AFF1: variants seen among roughly 807,000 people sequenced by gnomAD.
The protein encoded by AFF1 is AF4/FMR2 family member 1.
In AFF1, 48 loss-of-function variants were observed where a neutral mutation model predicts 121.7. The ratio of observed to expected loss-of-function variants is 0.39; its 90% CI spans 0.31 to 0.50. The LOEUF is 0.50. Among genes scored for constraint, AFF1 ranks in the 20% least tolerant of loss-of-function variants. AFF1 has a pLI of 0.76. For missense variants in AFF1, 1,523 were observed against 1,511.7 expected (o/e 1.01, Z -0.12); for synonymous variants, 613 against 563.0 (o/e 1.09, Z -1.26).
intron 11 of AFF1, among the ~76,000 whole-genome samples, chr4:87,109,340 T>G (rs536782678): frequency 6.6e-6 from 1 of 152,248 alleles, no homozygotes; most frequent in East Asian, 1.9e-4. Context: ...GCTGAGAAAA[T>G]AACTGGCTGT....
intron 2 of AFF1, among the ~76,000 whole-genome samples, chr4:86,957,149 C>T (rs1019131029): frequency 6.6e-6 from 1 of 152,174 alleles, no homozygotes; most frequent in African/African-American, 2.4e-5. Flanking sequence ...AGGTGCTAAA[C>T]TTGGTCCAGG....
At chr4:87,031,173 C>T (rs1248502480) in intron 2 of AFF1, among the ~76,000 whole-genome samples, 2 of 152,108 alleles carry the variant, frequency 1.3e-5, no homozygotes, top group Non-Finnish European at 2.9e-5. Context: ...GGCATGCTTT[C>T]GGACCCATCC....
intron 6 of AFF1, among the ~76,000 whole-genome samples, chr4:87,091,187 G>A (rs1490274822): frequency 1.3e-5 from 2 of 151,902 alleles, no homozygotes; most frequent in South Asian, 2.1e-4. Context: ...GGTGGATCAC[G>A]AGGTCAGGAG....
chr4:86,952,687 CTTTTTTT>C (rs35008076), intron 2 of AFF1, among the ~76,000 whole-genome samples: 3 of 122,990 alleles, frequency 2.4e-5, no homozygotes, highest in African/African-American at 3.0e-5. Context: ...AAAAACACAA[CTTTTTTT>C]TTTTTTTTTT....
intron 4 of AFF1, among the ~76,000 whole-genome samples, chr4:87,065,872 T>G (rs1721302425): frequency 6.6e-6 from 1 of 152,250 alleles, no homozygotes; most frequent in Non-Finnish European, 1.5e-5. Flanking sequence ...CTGCTGCTCC[T>G]GCTAATACCA....
At chr4:87,061,124 A>G (rs1720746332) in intron 4 of AFF1, among the ~76,000 whole-genome samples, 1 of 152,176 alleles carries the variant, frequency 6.6e-6, no homozygotes, top group Non-Finnish European at 1.5e-5. Flanking sequence ...GATTTATTTC[A>G]TTCAAGTCAT....
intron 2 of AFF1, among the ~76,000 whole-genome samples, chr4:87,030,366 G>A (rs541436014): frequency 1.3e-5 from 2 of 152,308 alleles, no homozygotes; most frequent in South Asian, 4.1e-4. Context: ...AAAATAGGTA[G>A]CTGGTCCAGA....
At position 87,098,653 on chromosome 4, in the gene AFF1, A is replaced by G. The variant is rs540417174; in HGVS notation, c.1283+3684A>G. Among the ~76,000 whole-genome samples the G allele has an allele frequency of 3.3e-5, 5 of 152,354 alleles. No individual in the cohort carries two copies. In the South Asian group the frequency reaches 8.3e-4, roughly 25 times the overall value. On this transcript the variant is annotated intron_variant, in intron 8 of 20. Transcript: ENST00000395146. ...TTCTTCCCCTACCCCAAAATTGCCA[A>G]GTCCTTACAAAAAGGTGCCCTCCAT...
At chr4:87,127,881 C>T (rs1437579799) in intron 16 of AFF1, among the ~76,000 whole-genome samples, 178 bp downstream of exon 16, 1 of 152,090 alleles carries the variant, frequency 6.6e-6, no homozygotes, top group African/African-American at 2.4e-5. Flanking sequence ...AACATATGCA[C>T]GCAGCAAAAT....
At chr4:87,025,797 C>T (rs1728474671) in intron 2 of AFF1, among the ~76,000 whole-genome samples, 1 of 152,168 alleles carries the variant, frequency 6.6e-6, no homozygotes, top group African/African-American at 2.4e-5. Flanking sequence ...CGCCTAGTTC[C>T]TATGCATGGG....
At chr4:86,980,587 T>C (rs1723656315) in intron 2 of AFF1, among the ~76,000 whole-genome samples, 1 of 152,152 alleles carries the variant, frequency 6.6e-6, no homozygotes, top group Non-Finnish European at 1.5e-5. Context: ...TGTTGCATAA[T>C]CTCTAAGAGA....
intron 4 of AFF1, among the ~76,000 whole-genome samples, chr4:87,081,769 T>A (rs1335127064): frequency 2.4e-4 from 36 of 152,190 alleles, no homozygotes; most frequent in Admixed American, 2.4e-3. Flanking sequence ...AACCAACTAA[T>A]GCTTGAATCT....
chr4:86,940,067 CT>C (rs1352948876), intron 1 of AFF1, among the ~76,000 whole-genome samples: 1 of 152,160 alleles, frequency 6.6e-6, no homozygotes, highest in Admixed American at 6.5e-5. Context: ...GCCTGTAATT[CT>C]AGCACTTTGG....
chr4:87,121,329 G>A (rs1363898461), intron 12 of AFF1, among the ~76,000 whole-genome samples: 1 of 152,106 alleles, frequency 6.6e-6, no homozygotes, highest in African/African-American at 2.4e-5. Flanking sequence ...CCTGTTTTAC[G>A]GCAGGTCTTG....
chr4:87,039,317 T>A (rs1289419040), intron 2 of AFF1, among the ~76,000 whole-genome samples: 1 of 152,186 alleles, frequency 6.6e-6, no homozygotes, highest in East Asian at 1.9e-4. Flanking sequence ...GAAAAGTCAG[T>A]AAATGTGCCC....
At chr4:87,007,005 T>C in intron 2 of AFF1, 1 of 1,102,826 alleles carries the variant, frequency 9.1e-7, no homozygotes, top group Non-Finnish European at 1.1e-6. Context: ...TCTTTTCCTT[T>C]CTAACTGTGG....
At chr4:87,007,640 G>A (rs1296321810) in intron 2 of AFF1, among the ~76,000 whole-genome samples, 1 of 152,200 alleles carries the variant, frequency 6.6e-6, no homozygotes, top group Admixed American at 6.5e-5. Context: ...GAGGGATGGA[G>A]TTAAAGTGAA....
chr4:86,965,365 CA>C (rs1288384891), intron 2 of AFF1, among the ~76,000 whole-genome samples: 1 of 152,244 alleles, frequency 6.6e-6, no homozygotes, highest in African/African-American at 2.4e-5. Context: ...TGTTTTCTCA[CA>C]GCAGTGTTTT....
intron 4 of AFF1, among the ~76,000 whole-genome samples, chr4:87,048,933 G>T (rs1039177649): frequency 2.0e-5 from 3 of 152,088 alleles, no homozygotes; most frequent in Admixed American, 2.0e-4. Context: ...GGAGGTAGGG[G>T]TAGGCAGCTG....
Sources: gnomAD v4.1 joint callset for allele counts (sites outside exome capture counted in the v4.1 genomes callset) on GRCh38, gnomAD v4.1.1 for gene constraint, MANE v1.5 for transcripts, NCBI Gene and HGNC (gene_info 2026-07-23, HGNC 2026-07-21) for gene names.